DBNDD1: variants seen among roughly 807,000 people sequenced by gnomAD.
DBNDD1 encodes the protein dysbindin domain containing 1.
In DBNDD1, 14 loss-of-function variants were observed where a neutral mutation model predicts 17.0. The observed-to-expected ratio is 0.82, with a 90% CI of 0.54 to 1.29. DBNDD1 has a LOEUF of 1.29. Among genes scored for constraint, DBNDD1 ranks in the 50% most tolerant of loss-of-function variants. The probability of loss-of-function intolerance (pLI) is 0.00; values close to 1 mark genes in which losing one functional copy is unlikely to be tolerated. For missense variants in DBNDD1, 221 were observed against 216.2 expected (o/e 1.02, Z -0.14); for synonymous variants, 105 against 102.0 (o/e 1.03, Z -0.18).
intron 1 of DBNDD1, 162 bp from the exon 2 acceptor site, chr16:90,009,592 C>G (rs1262465443): frequency 9.1e-7 from 1 of 1,098,462 alleles, no homozygotes; most frequent in Non-Finnish European, 1.3e-6. Flanking sequence ...ATGCCTGGAC[C>G]CAGACAAGGG....
upstream of DBNDD1, chr16:90,019,696 C>G: frequency 1.8e-6 from 1 of 569,640 alleles, no homozygotes; most frequent in Non-Finnish European, 3.0e-6. The surrounding 1 kb of genome is among the most constrained non-coding windows in gnomAD (Gnocchi z 6.1). Context: ...CTCCCGACCC[C>G]GGCCGGGCGT....
At chr16:90,009,015 C>T (rs2035497976) in intron 2 of DBNDD1, 91 bp from the exon 3 acceptor site, 2 of 1,429,606 alleles carry the variant, frequency 1.4e-6, no homozygotes, top group Non-Finnish European at 1.8e-6. Context: ...GCTGTGTCCT[C>T]CCACAAGGCT....
At chr16:90,015,565 G>C (rs1219787767) in intron 1 of DBNDD1, among the ~76,000 whole-genome samples, 1 of 152,212 alleles carries the variant, frequency 6.6e-6, no homozygotes, top group African/African-American at 2.4e-5. Flanking sequence ...GCACATGCAT[G>C]TTCATAGCGT....
Position 90,005,311 on chromosome 16 carries a change from T to A in DBNDD1, c.*1024A>T, listed in dbSNP as rs1218483034. 2.0e-5 allele frequency: 3 copies of A among 152,280 alleles called. No individual in the cohort carries two copies. In the East Asian group the frequency reaches 5.8e-4, roughly 29 times the overall value. The allele number at this position is 152,280 out of a possible 1,614,324, so 9.4% of individuals were successfully genotyped here. On this transcript the variant is annotated 3_prime_UTR_variant, in exon 4 of 4. Transcript: ENST00000002501. Reference sequence around the variant, plus strand: ...ATTAAACTCATTCTTTGACTTGCTGTCAGGCAAGAAGCCCATTCTGTGAGC... The same window carrying A: ...ATTAAACTCATTCTTTGACTTGCTGACAGGCAAGAAGCCCATTCTGTGAGC...
chr16:90,009,332 C>G lies in DBNDD1; in HGVS notation c.130G>C (p.Gly44Arg), dbSNP rs1374415246. The change falls in exon 2 of 4, where the codon GGC (glycine) becomes CGC (arginine). Residue 44 changes from glycine to arginine, a missense_variant. By Grantham distance (125) the Gly-to-Arg change is moderately radical (BLOSUM62 -2). Coordinates refer to ENST00000002501, the MANE Select transcript of DBNDD1 (RefSeq NM_001042610.3). ...AGCCCCGGTGCTGGTACTGGGATGC[C>G]CCCGACCTCCTCCTCCACAGGCGTG... ...GHTPVEEEVG[G>R]IPVPAPGLLQ... The G allele has an allele frequency of 6.2e-7, 1 of 1,613,550 alleles. No homozygotes were observed. Among genetic ancestry groups the G allele is most frequent in the Middle Eastern group, 1.7e-4 (1 of 6,060 alleles).
chr16:90,017,403 G>A (rs1362033508), intron 1 of DBNDD1, among the ~76,000 whole-genome samples: 1 of 152,064 alleles, frequency 6.6e-6, no homozygotes, highest in Non-Finnish European at 1.5e-5. Flanking sequence ...GCTGAGGCAG[G>A]AGAATGGCGT....
intron 3 of DBNDD1, chr16:90,007,797 T>A (rs1317531683): frequency 6.5e-6 from 1 of 152,904 alleles, no homozygotes; most frequent in Admixed American, 6.5e-5. Context: ...TTGCTTCAAG[T>A]TGGGCAGATA....
intron 1 of DBNDD1, chr16:90,010,166 C>T: frequency 1.1e-6 from 1 of 883,886 alleles, no homozygotes; most frequent in Non-Finnish European, 1.8e-6. Context: ...CTGCCTCATC[C>T]CCCTGAGTAG....
At chr16:90,012,227 G>A (rs1367915083) in intron 1 of DBNDD1, among the ~76,000 whole-genome samples, 1 of 152,198 alleles carries the variant, frequency 6.6e-6, no homozygotes, top group East Asian at 1.9e-4. Flanking sequence ...CTGAGAGCAG[G>A]TACGAGTGGG....
intron 1 of DBNDD1, chr16:90,011,519 C>A: frequency 2.6e-6 from 1 of 383,864 alleles, no homozygotes; most frequent in Admixed American, 2.8e-5. Context: ...CTGGGGGCAG[C>A]CCTGTGGCCT....
chr16:90,018,592 A>G (rs1440850780), intron 1 of DBNDD1, among the ~76,000 whole-genome samples: 2 of 152,166 alleles, frequency 1.3e-5, no homozygotes, highest in African/African-American at 4.8e-5. Flanking sequence ...GGAACCCCGA[A>G]AGCCCTTTTG....
intron 1 of DBNDD1, chr16:90,010,052 A>T (rs200881887): frequency 6.2e-7 from 1 of 1,613,704 alleles, no homozygotes; most frequent in Non-Finnish European, 8.5e-7. Flanking sequence ...TCCCATGTTT[A>T]TTTATTTTTT....
In DBNDD1 at chr16:90,009,442, G is replaced by A. The variant is rs1567833423; in HGVS notation, c.32-12C>T. The A allele has an allele frequency of 6.2e-7, 1 of 1,608,782 alleles. No homozygotes were observed. On this transcript the variant is annotated splice_polypyrimidine_tract_variant and intron_variant, in intron 1 of 3. Coordinates refer to ENST00000002501, the MANE Select transcript of DBNDD1 (RefSeq NM_001042610.3). ...CTCCTTAACGATCTCTGCATCCAAA[G>A]ACACAGTGTCACCTTGAGATCCACA...
chr16:90,018,811 C>T (rs2151267204), intron 1 of DBNDD1, among the ~76,000 whole-genome samples: 1 of 152,284 alleles, frequency 6.6e-6, no homozygotes. Flanking sequence ...GCATGCCCCA[C>T]ATCCCCAAGA....
intron 1 of DBNDD1, among the ~76,000 whole-genome samples, chr16:90,015,005 CAA>C (rs35736879): frequency 1.2e-4 from 17 of 140,574 alleles, no homozygotes; most frequent in Non-Finnish European, 1.5e-4. Flanking sequence ...ACTCTTGTTT[CAA>C]AAAAAAAAAA....
chr16:90,009,337 ACCT>A lies in DBNDD1; in HGVS notation c.122_124del (p.Glu41del). ...CGGTGCTGGTACTGGGATGCCCCCG[ACCT>A]CCTCCTCCACAGGCGTGTGGCCATT... On this transcript the variant is annotated inframe_deletion, in exon 2 of 4. Transcript: ENST00000002501. The A allele has an allele frequency of 6.2e-7, 1 of 1,613,076 alleles. No homozygotes were observed. The highest frequency in any genetic ancestry group is 8.5e-7 in the Non-Finnish European group (1 of 1,179,884).
chr16:90,016,693 C>T (rs560485077), intron 1 of DBNDD1, among the ~76,000 whole-genome samples: 98 of 152,264 alleles, frequency 6.4e-4, no homozygotes, highest in African/African-American at 2.2e-3. Flanking sequence ...ATTGCTGATG[C>T]CCTGTGCTCT....
At chr16:90,011,114 T>C (rs2035547195) in intron 1 of DBNDD1, among the ~76,000 whole-genome samples, 1 of 152,220 alleles carries the variant, frequency 6.6e-6, no homozygotes, top group Non-Finnish European at 1.5e-5. Context: ...AGCAGCACCC[T>C]GAGGACCCTG....
At chr16:90,014,455 A>C (rs2035606442) in intron 1 of DBNDD1, among the ~76,000 whole-genome samples, 1 of 152,100 alleles carries the variant, frequency 6.6e-6, no homozygotes, top group East Asian at 1.9e-4. Context: ...GAGGCCAGCA[A>C]GGGCACAGTC....
Sources: gnomAD v4.1 joint callset for allele counts (sites outside exome capture counted in the v4.1 genomes callset) on GRCh38, gnomAD v4.1.1 for gene constraint, Gnocchi (gnomAD v3.1) non-coding constraint, MANE v1.5 for transcripts, NCBI Gene and HGNC (gene_info 2026-07-23, HGNC 2026-07-21) for gene names.